Variants in ANKRD40CL observed in about 807,000 individuals in gnomAD.
The protein encoded by ANKRD40CL is putative ANKRD40 C-terminal-like protein.
For synonymous variants in ANKRD40CL, 5 were observed against 2.3 expected, an observed-to-expected ratio of 2.14 and a Z score of -1.04; for missense variants, 11 against 6.4, an observed-to-expected ratio of 1.71 and a Z score of -0.77.
intron 2 of ANKRD40CL, chr17:50,763,882 T>G (rs1311878266): frequency 2.7e-6 from 1 of 375,800 alleles, no homozygotes; most frequent in African/African-American, 2.1e-5. Flanking sequence ...TAGCAGGTGC[T>G]CATACCTTGT....
At chr17:50,761,613 G>T (rs2143138587) in intron 3 of ANKRD40CL, 107 bp from the exon 4 acceptor site, 2 of 372,934 alleles carry the variant, frequency 5.4e-6, no homozygotes, top group South Asian at 1.5e-4. Flanking sequence ...ATAAGGTATT[G>T]TTTTTTTTGA....
At chr17:50,764,148 A>G (rs1971256226) in intron 2 of ANKRD40CL, 1 of 398,582 alleles carries the variant, frequency 2.5e-6, no homozygotes, top group African/African-American at 2.1e-5. Context: ...CTGGTCACAT[A>G]GGGGCTGAGT....
In ANKRD40CL at chr17:50,761,144, A is replaced by G. The variant is rs1971194361; in HGVS notation, c.*219T>C. 3.8e-6 allele frequency: 1 copy of G among 264,350 alleles called. No individual in the cohort carries two copies. The highest frequency in any genetic ancestry group is 6.6e-5 in the East Asian group (1 of 15,074). The allele number at this position is 264,350 out of a possible 1,614,324, so 16.4% of individuals were successfully genotyped here. A position where few individuals can be genotyped will look rare whatever the true frequency, so the allele number is the denominator to read the frequency against. On this transcript the variant is annotated 3_prime_UTR_variant, in exon 4 of 4. Coordinates refer to ENST00000450727, the MANE Select transcript of ANKRD40CL (RefSeq NM_001358683.3). Reference sequence around the variant, plus strand: ...AACCTCTGCCTCCTGGGTTCAGGTGATTCTCCTGCCTCAGCTTCCCATGTA... The same window carrying G: ...AACCTCTGCCTCCTGGGTTCAGGTGGTTCTCCTGCCTCAGCTTCCCATGTA...
intron 3 of ANKRD40CL, among the ~76,000 whole-genome samples, chr17:50,762,253 A>G (rs1413032076): frequency 6.6e-6 from 1 of 152,118 alleles, no homozygotes; most frequent in African/African-American, 2.4e-5. Context: ...GGAAAGCATG[A>G]TCATCCCTTG....
At chr17:50,763,255 T>C (rs1429646886) in intron 3 of ANKRD40CL, 142 bp downstream of exon 3, 6 of 397,580 alleles carry the variant, frequency 1.5e-5, no homozygotes, top group Non-Finnish European at 2.7e-5. Context: ...AAGCGCCAGA[T>C]TGAAAATGAC....
chr17:50,761,547 G>T, intron 3 of ANKRD40CL, 41 bp from the exon 4 acceptor site: 1 of 397,084 alleles, frequency 2.5e-6, no homozygotes, highest in South Asian at 1.3e-4. Context: ...TAATAAATTT[G>T]AATGTAATAG....
chr17:50,761,465 T>C lies in ANKRD40CL; in HGVS notation c.243A>G (p.Glu81=). 2.5e-6 allele frequency: 1 copy of C among 399,024 alleles called. No homozygotes were observed. Among genetic ancestry groups the C allele is most frequent in the Non-Finnish European group, 4.4e-6 (1 of 226,060 alleles). The allele number at this position is 399,024 out of a possible 1,614,324, so 24.7% of individuals were successfully genotyped here. ...IRRLRDFQEV[E]LILMKNGSSR... ...AGCTTCCATTTTTCATTAAAATGAG[T>C]TCCACTTCCTGAAAGTCCCGCAGTC... Residue 81 remains glutamate, a synonymous_variant, in exon 4 of 4, where the codon GAA becomes GAG. Coordinates refer to ENST00000450727, the MANE Select transcript of ANKRD40CL (RefSeq NM_001358683.3).
Position 50,766,858 on chromosome 17 carries a change from G to C in ANKRD40CL, c.40+16C>G. 1.6e-6 allele frequency: 1 copy of C among 641,404 alleles called. No homozygotes were observed. Among genetic ancestry groups the C allele is most frequent in the Non-Finnish European group, 2.8e-6 (1 of 356,718 alleles). 39.7% of individuals were successfully genotyped at this position (641,404 alleles called of 1,614,324 possible). On this transcript the variant is annotated intron_variant, in intron 2 of 3. Transcript: ENST00000450727. ...CTCCTTGAGGACCATGTTGGGAACA[G>C]GACTCCCAGACTCACCTGCTGGCTT...
intron 2 of ANKRD40CL, among the ~76,000 whole-genome samples, chr17:50,765,901 C>A (rs1363313133): frequency 6.6e-6 from 1 of 152,204 alleles, no homozygotes; most frequent in East Asian, 1.9e-4. Flanking sequence ...GGCACATGCT[C>A]CATTGTCCCA....
At position 50,767,196 on chromosome 17, in the gene ANKRD40CL, T is replaced by C. The variant is rs547048285; in HGVS notation, c.-98-185A>G. The C allele has an allele frequency of 6.9e-5, 43 of 620,204 alleles. No homozygotes were observed. In the Middle Eastern group the frequency reaches 1.5e-3, roughly 22 times the overall value. The allele number at this position is 620,204 out of a possible 1,614,324, so 38.4% of individuals were successfully genotyped here. On this transcript the variant is annotated intron_variant, in intron 1 of 3. Coordinates refer to ENST00000450727, the MANE Select transcript of ANKRD40CL (RefSeq NM_001358683.3). Reference sequence around the variant, plus strand: ...TCAGGCTGTCCCCACTGGAAGACGGTGCAGGCCGGTAGTACTCACCCGAGG... The same window carrying C: ...TCAGGCTGTCCCCACTGGAAGACGGCGCAGGCCGGTAGTACTCACCCGAGG...
chr17:50,762,591 A>C (rs1971220043), intron 3 of ANKRD40CL, among the ~76,000 whole-genome samples: 1 of 152,150 alleles, frequency 6.6e-6, no homozygotes, highest in Non-Finnish European at 1.5e-5. Context: ...AAAAACAAAA[A>C]AATTGCCAAA....
intron 1 of ANKRD40CL, chr17:50,767,257 C>T (rs1343316715): frequency 1.9e-6 from 1 of 514,436 alleles, no homozygotes; most frequent in African/African-American, 1.9e-5. Flanking sequence ...CAGAGAGGCA[C>T]AGCAGGCACC....
At position 50,763,765 on chromosome 17, in the gene ANKRD40CL, G is replaced by A. The variant is rs920026175; in HGVS notation, c.41-208C>T. On this transcript the variant is annotated intron_variant, in intron 2 of 3. Transcript: ENST00000450727. ...TGGAGTGTTGGGCAAGCTCTGGGATGTATGCCCCCATTATATCCACTGAAG... is the reference window on the plus strand; with the variant it reads ...TGGAGTGTTGGGCAAGCTCTGGGATATATGCCCCCATTATATCCACTGAAG... The A allele has an allele frequency of 3.9e-5, 15 of 388,404 alleles. No individual in the cohort carries two copies. The East Asian group carries it at 5.1e-4, about 13-fold the overall frequency. The allele number at this position is 388,404 out of a possible 1,614,324, so 24.1% of individuals were successfully genotyped here.
chr17:50,762,704 T>C (rs1971222420), intron 3 of ANKRD40CL: 1 of 152,020 alleles, frequency 6.6e-6, no homozygotes, highest in Admixed American at 6.6e-5. Context: ...TATATAAAAA[T>C]GCAAAACAAT....
At chr17:50,762,533 G>T (rs573008978) in intron 3 of ANKRD40CL, among the ~76,000 whole-genome samples, 1 of 152,002 alleles carries the variant, frequency 6.6e-6, no homozygotes, top group Non-Finnish European at 1.5e-5. Flanking sequence ...CTATGATCAC[G>T]CCATTGCATT....
Position 50,763,386 on chromosome 17 carries a change from T to C in ANKRD40CL, c.201+11A>G, listed in dbSNP as rs1971238556. 2.5e-6 allele frequency: 1 copy of C among 398,968 alleles called. No homozygotes were observed. The highest frequency in any genetic ancestry group is 2.1e-5 in the African/African-American group (1 of 48,642). 24.7% of individuals were successfully genotyped at this position (398,968 alleles called of 1,614,324 possible). The stretch of plus-strand genomic sequence containing the variant: ...ACTGTGATTCTGCATTTAGAAACTC[T>C]TAACCCTTACCTTTCTGAGCAGTGT... On this transcript the variant is annotated intron_variant, in intron 3 of 3. Coordinates refer to ENST00000450727, the MANE Select transcript of ANKRD40CL (RefSeq NM_001358683.3).
chr17:50,761,240 T>A lies in ANKRD40CL; in HGVS notation c.*123A>T. 2.6e-6 allele frequency: 1 copy of A among 385,234 alleles called. No individual in the cohort carries two copies. The highest frequency in any genetic ancestry group is 4.6e-6 in the Non-Finnish European group (1 of 218,058). 23.9% of individuals were successfully genotyped at this position (385,234 alleles called of 1,614,324 possible). A position where few individuals can be genotyped will look rare whatever the true frequency, so the allele number is the denominator to read the frequency against. ...GTATTTTTTTTAGTAGAGACTGGGT[T>A]TCACTATATGTTGGCCAGGCTGGTC... On this transcript the variant is annotated 3_prime_UTR_variant, in exon 4 of 4. Transcript: ENST00000450727.
Position 50,761,443 on chromosome 17 carries a change from T to C in ANKRD40CL, c.265A>G (p.Ser89Gly), listed in dbSNP as rs1971199692. 2.5e-6 allele frequency: 1 copy of C among 399,016 alleles called. No individual in the cohort carries two copies. The highest frequency in any genetic ancestry group is 4.4e-6 in the Non-Finnish European group (1 of 226,038). 24.7% of individuals were successfully genotyped at this position (399,016 alleles called of 1,614,324 possible). ...EVELILMKNGSSRLTEYVPSL... is the reference protein window; with the variant it reads ...EVELILMKNGGSRLTEYVPSL... ...GGCACATATTCTGTCAATCTGGAGC[T>C]TCCATTTTTCATTAAAATGAGTTCC... The change falls in exon 4 of 4, where the codon AGC (serine) becomes GGC (glycine). Residue 89 changes from serine to glycine, a missense_variant. Physicochemically the swap from Ser to Gly is moderately conservative, Grantham distance 56. Coordinates refer to ENST00000450727, the MANE Select transcript of ANKRD40CL (RefSeq NM_001358683.3).
In ANKRD40CL at chr17:50,765,324, C is replaced by T. The variant is rs1971281209; in HGVS notation, c.40+1550G>A. Among the ~76,000 whole-genome samples the T allele has an allele frequency of 1.3e-5, 2 of 152,156 alleles. 1 individual carries two copies. The highest frequency in any genetic ancestry group is 4.1e-4 in the South Asian group (2 of 4,832). Reference sequence around the variant, plus strand: ...TGGCTTGCATTACATTTCTATTGGGCAGCATTAGTCTAGATGAAAGGTTTT... The same window carrying T: ...TGGCTTGCATTACATTTCTATTGGGTAGCATTAGTCTAGATGAAAGGTTTT... On this transcript the variant is annotated intron_variant, in intron 2 of 3. Coordinates refer to ENST00000450727, the MANE Select transcript of ANKRD40CL (RefSeq NM_001358683.3).
Sources: allele counts gnomAD v4.1 joint callset (sites outside exome capture counted in the v4.1 genomes callset), GRCh38; gene constraint gnomAD v4.1.1; transcripts MANE v1.5; gene names NCBI Gene and HGNC (gene_info 2026-07-23, HGNC 2026-07-21).